The following RAD51B variants were observed in gnomAD, a reference collection of about 807,000 sequenced individuals.
RAD51B encodes the protein DNA repair protein RAD51 homolog 2.
In RAD51B, 38 loss-of-function variants were observed where a neutral mutation model predicts 42.2. The observed-to-expected ratio is 0.90, with a 90% CI of 0.70 to 1.18. The LOEUF (loss-of-function observed/expected upper bound fraction) is 1.18, where lower values mean the gene tolerates loss of function less well. Among genes scored for constraint, RAD51B ranks in the 50% most tolerant of loss-of-function variants. The probability of loss-of-function intolerance (pLI) is 0.00; values close to 1 mark genes in which losing one functional copy is unlikely to be tolerated. For missense variants in RAD51B, 373 were observed against 400.7 expected, an observed-to-expected ratio of 0.93 and a Z score of 0.59; for synonymous variants, 154 against 145.2, an observed-to-expected ratio of 1.06 and a Z score of -0.43.
intron 10 of RAD51B, among the ~76,000 whole-genome samples, chr14:68,521,628 C>T (rs148135589): frequency 6.6e-6 from 1 of 152,318 alleles, no homozygotes; most frequent in East Asian, 1.9e-4. Context: ...GAATTTCAGG[C>T]AACCTTATAC....
chr14:68,600,556 C>G (rs978168969), downstream of RAD51B, among the ~76,000 whole-genome samples: 7 of 152,122 alleles, frequency 4.6e-5, no homozygotes, highest in Non-Finnish European at 8.8e-5. Flanking sequence ...GTTAACGGTC[C>G]CTACATCAGC....
chr14:68,298,931 G>A (rs1384978895), intron 8 of RAD51B, among the ~76,000 whole-genome samples: 2 of 152,098 alleles, frequency 1.3e-5, no homozygotes, highest in Non-Finnish European at 2.9e-5. Flanking sequence ...ATGCATTTGC[G>A]ATGTTTACTG....
At chr14:67,869,332 A>G (rs1453115026) in intron 5 of RAD51B, among the ~76,000 whole-genome samples, 5 of 152,258 alleles carry the variant, frequency 3.3e-5, no homozygotes, top group Non-Finnish European at 5.9e-5. Flanking sequence ...AAGAAAGGGT[A>G]TCAGCGATGG....
At chr14:68,368,970 G>A (rs117273714) in intron 8 of RAD51B, among the ~76,000 whole-genome samples, 2,442 of 152,234 alleles carry the variant, frequency 0.016, 24 homozygotes, top group Non-Finnish European at 0.023. Flanking sequence ...GGTTATGGTC[G>A]TTGTTTTTAT....
At chr14:67,927,046 C>A (rs946832038) in intron 7 of RAD51B, among the ~76,000 whole-genome samples, 1 of 152,152 alleles carries the variant, frequency 6.6e-6, no homozygotes, top group Non-Finnish European at 1.5e-5. Context: ...TATGAGTCAT[C>A]CCATTCCTGT....
At chr14:68,148,436 C>A (rs895617327) in intron 7 of RAD51B, among the ~76,000 whole-genome samples, 4 of 152,338 alleles carry the variant, frequency 2.6e-5, no homozygotes, top group Non-Finnish European at 5.9e-5. Flanking sequence ...TTCTCACCAG[C>A]AATGAATGAG....
intron 7 of RAD51B, among the ~76,000 whole-genome samples, chr14:68,037,231 T>C (rs1480596309): frequency 1.5e-5 from 2 of 133,842 alleles, no homozygotes; most frequent in Non-Finnish European, 3.2e-5. Flanking sequence ...TCTCTTCTTT[T>C]CTTTTTTTCC....
At chr14:67,848,912 C>G (rs1328115121) in intron 4 of RAD51B, among the ~76,000 whole-genome samples, 1 of 152,140 alleles carries the variant, frequency 6.6e-6, no homozygotes, top group Non-Finnish European at 1.5e-5. Context: ...AAATAGGTCC[C>G]CACTCTCTTC....
chr14:68,460,057 A>G (rs1011314539), intron 9 of RAD51B, among the ~76,000 whole-genome samples: 6 of 152,184 alleles, frequency 3.9e-5, no homozygotes, highest in African/African-American at 1.2e-4. Context: ...CCGCCTATTC[A>G]TGTCTGCTTT....
At chr14:68,165,276 A>G (rs928039743) in intron 7 of RAD51B, among the ~76,000 whole-genome samples, 3 of 152,170 alleles carry the variant, frequency 2.0e-5, no homozygotes, top group African/African-American at 7.2e-5. Flanking sequence ...TTGTCCCATT[A>G]GTAACTTGTT....
chr14:68,473,989 AAT>A (rs1461790127), intron 10 of RAD51B, among the ~76,000 whole-genome samples: 3 of 152,230 alleles, frequency 2.0e-5, no homozygotes, highest in Non-Finnish European at 4.4e-5. Flanking sequence ...CTGTTTTTGT[AAT>A]ATAGCCATGT....
At chr14:68,682,930 T>TTTTTTTTTTGGG (rs370961308) in intron 11 of RAD51B, 1 of 796,816 alleles carries the variant, frequency 1.3e-6, no homozygotes, top group Non-Finnish European at 1.5e-6. Context: ...TTTTTTTTTT[T>TTTTTTTTTTGGG]GTATAGGGCA....
intron 8 of RAD51B, among the ~76,000 whole-genome samples, chr14:68,334,854 CATATATTTTATGATATATAGGATAGAT>C (rs2082414350): frequency 6.8e-6 from 1 of 146,894 alleles, no homozygotes. Flanking sequence ...ATAGATATAT[CATATATTTTATGATATATAGGATAGAT>C]ATATATTTTA....
At chr14:68,262,157 G>A (rs890453557) in intron 7 of RAD51B, among the ~76,000 whole-genome samples, 1 of 152,204 alleles carries the variant, frequency 6.6e-6, no homozygotes, top group Admixed American at 6.5e-5. Context: ...GTGCACACAC[G>A]TGTATTTGTG....
At chr14:68,338,759 C>T in intron 8 of RAD51B, 1 of 489,798 alleles carries the variant, frequency 2.0e-6, no homozygotes, top group Non-Finnish European at 3.9e-6. Context: ...GTTCTTTAAC[C>T]TTTGCCTTTT....
intron 9 of RAD51B, among the ~76,000 whole-genome samples, chr14:68,414,024 A>G (rs190724096): frequency 3.5e-4 from 54 of 152,196 alleles, no homozygotes; most frequent in Non-Finnish European, 5.7e-4. Context: ...TTTCTATGAC[A>G]TTGAGCTCTA....
At chr14:68,480,230 G>C (rs182533766), downstream of RAD51B, among the ~76,000 whole-genome samples, 175 of 152,054 alleles carry the variant, frequency 1.2e-3, no homozygotes, top group African/African-American at 4.1e-3. Context: ...GTGCCACCAT[G>C]CCCGGTTAAC....
intron 7 of RAD51B, among the ~76,000 whole-genome samples, chr14:68,030,080 T>G (rs1202984732): frequency 6.6e-6 from 1 of 152,248 alleles, no homozygotes; most frequent in African/African-American, 2.4e-5. Context: ...TGCTGTGATC[T>G]AGGTTTTGTT....
intron 7 of RAD51B, among the ~76,000 whole-genome samples, chr14:68,279,995 T>C (rs1438436719): frequency 6.6e-6 from 1 of 152,244 alleles, no homozygotes; most frequent in Non-Finnish European, 1.5e-5. Flanking sequence ...CCTGCTCTTA[T>C]TCTGTTCTTA....
Sources: allele counts gnomAD v4.1 joint callset (sites outside exome capture counted in the v4.1 genomes callset), GRCh38; gene constraint gnomAD v4.1.1; transcripts MANE v1.5; gene names NCBI Gene and HGNC (gene_info 2026-07-23, HGNC 2026-07-21).